Variants in RFX4 observed in about 807,000 individuals in gnomAD.
The protein encoded by RFX4 is transcription factor RFX4.
A neutral mutation model predicts 95.0 loss-of-function variants in RFX4; 10 were observed. That is an observed-to-expected ratio of 0.11 (90% CI 0.06 to 0.18). The LOEUF is 0.18. RFX4 is among the 10% of genes least tolerant of loss of function. RFX4 has a pLI of 1.00. For missense variants in RFX4, 640 were observed against 922.0 expected, an observed-to-expected ratio of 0.69 and a Z score of 3.96; for synonymous variants, 321 against 340.7, an observed-to-expected ratio of 0.94 and a Z score of 0.64.
At chr12:106,681,046 C>G (rs1471034303) in intron 4 of RFX4, 1 of 152,182 alleles carries the variant, frequency 6.6e-6, no homozygotes, top group Non-Finnish European at 1.5e-5. Flanking sequence ...CCGTAAACCC[C>G]AAGGAAAGGG....
At chr12:106,639,168 T>C (rs1378445132) in intron 2 of RFX4, among the ~76,000 whole-genome samples, 164 bp from the exon 3 acceptor site, 1 of 152,200 alleles carries the variant, frequency 6.6e-6, no homozygotes, top group African/African-American at 2.4e-5. Context: ...CTTTTTAGTA[T>C]TAAAGTATGA....
At chr12:106,705,170 G>A (rs2042060465) in intron 8 of RFX4, among the ~76,000 whole-genome samples, 2 of 152,204 alleles carry the variant, frequency 1.3e-5, no homozygotes, top group African/African-American at 4.8e-5. Context: ...TAGGGCTGAG[G>A]TGAGGATTAA....
intron 15 of RFX4, among the ~76,000 whole-genome samples, chr12:106,744,385 G>A (rs1319136465): frequency 1.3e-5 from 2 of 152,206 alleles, no homozygotes; most frequent in Admixed American, 6.5e-5. Context: ...AATTACTGTT[G>A]CTATTCAAAT....
At chr12:106,634,074 G>A (rs1294735920) in intron 2 of RFX4, among the ~76,000 whole-genome samples, 1 of 152,182 alleles carries the variant, frequency 6.6e-6, no homozygotes. Flanking sequence ...AAAAGATGAG[G>A]CAAATAGGAT....
chr12:106,726,171 C>T (rs2042491773), intron 13 of RFX4, among the ~76,000 whole-genome samples: 2 of 151,428 alleles, frequency 1.3e-5, no homozygotes, highest in Admixed American at 6.6e-5. Flanking sequence ...TTGCTTGATC[C>T]CGGGAGGCAG....
intron 2 of RFX4, among the ~76,000 whole-genome samples, chr12:106,625,546 G>A (rs979501855): frequency 1.3e-5 from 2 of 152,168 alleles, no homozygotes; most frequent in African/African-American, 4.8e-5. Context: ...CAGGAGGATT[G>A]TGACTGTAAA....
chr12:106,680,138 G>T (rs1250917314), intron 4 of RFX4, among the ~76,000 whole-genome samples: 2 of 152,188 alleles, frequency 1.3e-5, no homozygotes, highest in African/African-American at 4.8e-5. Context: ...ACTTCCAAAA[G>T]TGGTTTCATG....
intron 3 of RFX4, among the ~76,000 whole-genome samples, chr12:106,649,867 C>G (rs2040825772): frequency 6.6e-6 from 1 of 152,174 alleles, no homozygotes; most frequent in Non-Finnish European, 1.5e-5. Flanking sequence ...TGCTTGGTTA[C>G]TCCTGTCCTC....
chr12:106,712,130 C>A lies in RFX4; in HGVS notation c.993+619C>A, dbSNP rs1197583641. 2.0e-5 allele frequency among the ~76,000 whole-genome samples: 3 copies of A among 152,260 alleles called. No homozygotes were observed. In the East Asian group the frequency reaches 5.8e-4, roughly 29 times the overall value. ...TAACATTACATTAAAATATTAATGA[C>A]CTTAAAGCAGAGGTGGCAAACCGGT... On this transcript the variant is annotated intron_variant, in intron 10 of 17. Coordinates refer to ENST00000392842, the MANE Select transcript of RFX4 (RefSeq NM_213594.3).
At chr12:106,737,986 C>A (rs776892670) in intron 15 of RFX4, among the ~76,000 whole-genome samples, 6 of 152,126 alleles carry the variant, frequency 3.9e-5, no homozygotes, top group African/African-American at 1.2e-4. Flanking sequence ...AGAAAAAGTA[C>A]GTGTAGTGAA....
At chr12:106,640,303 T>C (rs1446223836) in intron 3 of RFX4, among the ~76,000 whole-genome samples, 2 of 152,138 alleles carry the variant, frequency 1.3e-5, no homozygotes, top group African/African-American at 4.8e-5. Context: ...AGCTCATGCT[T>C]GCGAAGAAAG....
chr12:106,653,059 T>C (rs2040885759), intron 3 of RFX4, among the ~76,000 whole-genome samples: 1 of 152,170 alleles, frequency 6.6e-6, no homozygotes, highest in Non-Finnish European at 1.5e-5. Flanking sequence ...TGTTGGTGCA[T>C]TGATTTAGCA....
intron 6 of RFX4, among the ~76,000 whole-genome samples, chr12:106,687,760 C>T (rs189932904): frequency 1.6e-3 from 241 of 152,236 alleles, no homozygotes; most frequent in African/African-American, 5.3e-3. Context: ...CTCTGTCAAT[C>T]TCTATCATGT....
At chr12:106,694,079 T>A (rs917643961) in intron 7 of RFX4, among the ~76,000 whole-genome samples, 2 of 152,200 alleles carry the variant, frequency 1.3e-5, no homozygotes, top group African/African-American at 4.8e-5. Context: ...CCAGATTTTG[T>A]TTTCATTTTC....
intron 11 of RFX4, among the ~76,000 whole-genome samples, chr12:106,717,686 T>C (rs1275609233): frequency 1.3e-5 from 2 of 152,200 alleles, no homozygotes; most frequent in Admixed American, 1.3e-4. Flanking sequence ...TTACAGTTAA[T>C]GGTAAATAAG....
intron 8 of RFX4, among the ~76,000 whole-genome samples, chr12:106,708,505 A>G (rs2042131269): frequency 1.3e-5 from 2 of 151,918 alleles, no homozygotes; most frequent in African/African-American, 4.8e-5. Context: ...AGTGGGGTGG[A>G]GGTTGGTGAT....
At chr12:106,593,225 A>G (rs1169098907) in intron 1 of RFX4, among the ~76,000 whole-genome samples, 1 of 152,256 alleles carries the variant, frequency 6.6e-6, no homozygotes, top group Non-Finnish European at 1.5e-5. Context: ...ATTTAAAAGA[A>G]CAATGAGAAA....
At chr12:106,629,281 T>C (rs560858041) in intron 2 of RFX4, among the ~76,000 whole-genome samples, 1 of 152,306 alleles carries the variant, frequency 6.6e-6, no homozygotes, top group African/African-American at 2.4e-5. Flanking sequence ...CTGGGCTGTT[T>C]CCAAACTTTT....
At chr12:106,679,788 G>A (rs530660821) in intron 4 of RFX4, among the ~76,000 whole-genome samples, 8 of 152,200 alleles carry the variant, frequency 5.3e-5, no homozygotes, top group Non-Finnish European at 1.2e-4. Context: ...TGGCTCTGAA[G>A]CCATTCATAT....
Sources: allele counts gnomAD v4.1 joint callset (sites outside exome capture counted in the v4.1 genomes callset), GRCh38; gene constraint gnomAD v4.1.1; transcripts MANE v1.5; gene names NCBI Gene and HGNC (gene_info 2026-07-23, HGNC 2026-07-21).